The following TENM2 variants were observed in gnomAD, a reference collection of about 807,000 sequenced individuals.
TENM2 encodes teneurin-2.
In TENM2, 52 loss-of-function variants were observed where a neutral mutation model predicts 245.2. That is an observed-to-expected ratio of 0.21 (90% CI 0.17 to 0.27). The LOEUF (loss-of-function observed/expected upper bound fraction) is 0.27. Among genes scored for constraint, TENM2 ranks in the 10% least tolerant of loss-of-function variants. The pLI is 1.00. For missense variants in TENM2, 3,046 were observed against 3,666.8 expected (o/e 0.83, Z 4.37); for synonymous variants, 1,363 against 1,438.9 (o/e 0.95, Z 1.19).
At chr5:168,255,803 A>ATTTAT (rs1053704982) in intron 27 of TENM2, among the ~76,000 whole-genome samples, 1 of 151,588 alleles carries the variant, frequency 6.6e-6, no homozygotes, top group African/African-American at 2.4e-5. Flanking sequence ...TTTTTTATTT[A>ATTTAT]TTTATTTTAT....
At chr5:167,390,600 G>GA (rs1365252739) in intron 2 of TENM2, among the ~76,000 whole-genome samples, 4 of 152,100 alleles carry the variant, frequency 2.6e-5, no homozygotes, top group African/African-American at 9.7e-5. Context: ...AAAAGACTCT[G>GA]AAAATAAGCA....
chr5:167,337,652 G>T (rs189870914), intron 1 of TENM2, among the ~76,000 whole-genome samples: 4 of 152,240 alleles, frequency 2.6e-5, no homozygotes, highest in East Asian at 3.9e-4. Flanking sequence ...GAAGATGAAT[G>T]GGATAACTCT....
chr5:167,548,227 T>C (rs1669833808), intron 2 of TENM2, among the ~76,000 whole-genome samples: 1 of 152,208 alleles, frequency 6.6e-6, no homozygotes, highest in Non-Finnish European at 1.5e-5. Context: ...GATTAGAATT[T>C]CAGAGAGTGA....
At chr5:167,336,120 C>T (rs549547740) in intron 1 of TENM2, among the ~76,000 whole-genome samples, 1 of 151,746 alleles carries the variant, frequency 6.6e-6, no homozygotes, top group South Asian at 2.1e-4. Context: ...ATAAATGGTG[C>T]CTGCACATTT....
chr5:168,059,128 C>T (rs1049812464), intron 6 of TENM2, among the ~76,000 whole-genome samples: 4 of 152,162 alleles, frequency 2.6e-5, no homozygotes, highest in Non-Finnish European at 5.9e-5. Context: ...GTAGCCTGTG[C>T]TGGCTGGTAG....
intron 2 of TENM2, among the ~76,000 whole-genome samples, chr5:167,675,459 G>T (rs1756253180): frequency 6.6e-6 from 1 of 152,058 alleles, no homozygotes; most frequent in African/African-American, 2.4e-5. Flanking sequence ...ACCTTGAAAG[G>T]CTATGTCTGA....
At chr5:167,958,193 C>A (rs919381283) in intron 4 of TENM2, among the ~76,000 whole-genome samples, 1 of 152,138 alleles carries the variant, frequency 6.6e-6, no homozygotes, top group African/African-American at 2.4e-5. Context: ...ATAGTTAGCT[C>A]TTCTTGTTGC....
At chr5:167,263,232 T>C in the TENM2 span, among the ~76,000 whole-genome samples, 1 of 152,260 alleles carries the variant, frequency 6.6e-6, no homozygotes, top group Non-Finnish European at 1.5e-5. Flanking sequence ...ACTATGTTAA[T>C]GTTTTATGTA....
chr5:167,325,679 G>T (rs1353058207), intron 1 of TENM2, among the ~76,000 whole-genome samples: 2 of 152,124 alleles, frequency 1.3e-5, no homozygotes, highest in Non-Finnish European at 2.9e-5. Flanking sequence ...CTGGTCAGGG[G>T]TTTATAATAA....
At chr5:167,859,039 G>A (rs1167039509) in intron 2 of TENM2, among the ~76,000 whole-genome samples, 5 of 149,720 alleles carry the variant, frequency 3.3e-5, no homozygotes, top group South Asian at 2.1e-4. Flanking sequence ...GTCTCCGCCC[G>A]GCCGCCATCA....
In TENM2 at chr5:168,182,538, A is replaced by G. The variant is rs1444170854; in HGVS notation, c.2570-7799A>G. 4.6e-5 allele frequency among the ~76,000 whole-genome samples: 7 copies of G among 152,288 alleles called. No homozygotes were observed. The East Asian group carries it at 1.2e-3, about 25-fold the overall frequency. Reference sequence around the variant, plus strand: ...AGATGACACAGCTGATAAATAATAGACCAGGTTTTAAAGCCAGACCATTCT... The same window carrying G: ...AGATGACACAGCTGATAAATAATAGGCCAGGTTTTAAAGCCAGACCATTCT... On this transcript the variant is annotated intron_variant, in intron 13 of 28. Coordinates refer to ENST00000518659, the Ensembl canonical transcript of TENM2.
At chr5:167,527,959 G>A (rs547137101) in intron 2 of TENM2, among the ~76,000 whole-genome samples, 28 of 152,122 alleles carry the variant, frequency 1.8e-4, no homozygotes, top group Admixed American at 1.4e-3. Flanking sequence ...TCCATCCTCT[G>A]GTGGGAAAGG....
intron 12 of TENM2, among the ~76,000 whole-genome samples, chr5:168,157,085 C>G (rs768761335): frequency 2.6e-5 from 4 of 152,146 alleles, no homozygotes; most frequent in East Asian, 1.9e-4. Flanking sequence ...TACAGCGGGG[C>G]GGGTAGTACC....
At chr5:167,006,591 A>G in the TENM2 span, among the ~76,000 whole-genome samples, 1 of 152,348 alleles carries the variant, frequency 6.6e-6, no homozygotes, top group Middle Eastern at 3.4e-3. Flanking sequence ...ATGGGGGTAT[A>G]GCTATATGAT....
rs1761318071 is a variant in TENM2 at position 168,195,336 on chromosome 5, CGT to C, written c.2900+47_2900+48del. On this transcript the variant is annotated intron_variant, in intron 15 of 28. Coordinates refer to ENST00000518659, the Ensembl canonical transcript of TENM2. The stretch of plus-strand genomic sequence containing the variant: ...GGGCTCGGACCTACTCAGGACCACA[CGT>C]GTGTGCAAAGGGACAGACGGTGCTG... 7.1e-6 allele frequency: 11 copies of C among 1,554,098 alleles called. No homozygotes were observed. In the South Asian group the frequency reaches 1.2e-4, roughly 17 times the overall value.
intron 5 of TENM2, among the ~76,000 whole-genome samples, chr5:168,038,164 T>A (rs540953384): frequency 5.1e-4 from 78 of 152,282 alleles, no homozygotes; most frequent in African/African-American, 1.8e-3. Context: ...AATTTCTTCA[T>A]CTGCAAGATG....
intron 20 of TENM2, among the ~76,000 whole-genome samples, chr5:168,212,458 G>A (rs1285770602): frequency 6.6e-6 from 1 of 152,062 alleles, no homozygotes; most frequent in East Asian, 1.9e-4. Flanking sequence ...GCTTTCTTAA[G>A]GAAAAATGAC....
chr5:167,782,263 A>G (rs1189143046), intron 2 of TENM2, among the ~76,000 whole-genome samples: 2 of 145,788 alleles, frequency 1.4e-5, no homozygotes, highest in Non-Finnish European at 3.0e-5. Context: ...CGGTGAGCCA[A>G]GATCGTGCCA....
chr5:167,999,238 T>C (rs1784263903), intron 5 of TENM2, among the ~76,000 whole-genome samples: 1 of 152,188 alleles, frequency 6.6e-6, no homozygotes, highest in Non-Finnish European at 1.5e-5. Context: ...GGCAAAATGC[T>C]AATGATTAAA....
Sources: gnomAD v4.1 joint callset for allele counts (sites outside exome capture counted in the v4.1 genomes callset) on GRCh38, gnomAD v4.1.1 for gene constraint, MANE v1.5 for transcripts, NCBI Gene and HGNC (gene_info 2026-07-23, HGNC 2026-07-21) for gene names.